The following PKN2 variants were observed in gnomAD, a reference collection of about 807,000 sequenced individuals.
PKN2 encodes protein kinase N2.
In PKN2, 38 loss-of-function variants were observed where a neutral mutation model predicts 119.1. The observed-to-expected ratio is 0.32, with a 90% CI of 0.25 to 0.42. The LOEUF (loss-of-function observed/expected upper bound fraction) is 0.42, where lower values mean the gene tolerates loss of function less well. Ranked by LOEUF, PKN2 falls within the 10% of genes least tolerant of loss-of-function variation. The pLI is 1.00. For missense variants in PKN2, 850 were observed against 1,165.1 expected (o/e 0.73, Z 3.94); for synonymous variants, 390 against 384.9 (o/e 1.01, Z -0.15).
intron 17 of PKN2, 38 bp from the exon 18 acceptor site, chr1:88,824,271 AT>A (rs561435037): frequency 0.052 from 43,453 of 842,486 alleles, 1,074 homozygotes; most frequent in African/African-American, 0.18. Context: ...GATTTCTTTG[AT>A]TTTTTTTTTT....
chr1:88,684,288 G>C lies in PKN2; in HGVS notation c.-293G>C, dbSNP rs2100629996. 5.9e-6 allele frequency: 2 copies of C among 337,570 alleles called. No homozygotes were observed. The highest frequency in any genetic ancestry group is 5.4e-6 in the Non-Finnish European group (1 of 185,024). 20.9% of individuals were successfully genotyped at this position (337,570 alleles called of 1,614,324 possible). On this transcript the variant is annotated 5_prime_UTR_variant, in exon 1 of 22. Transcript: ENST00000370521. ...AGCTGCAGCCGCGGCCGCAGCGCCC[G>C]CACGGAGAGGCTTGAGGCGGCTCCT...
At position 88,834,327 on chromosome 1, in the gene PKN2, G is replaced by C. The variant is rs12027005; in HGVS notation, c.*879G>C. 6.6e-6 allele frequency: 1 copy of C among 152,378 alleles called. No homozygotes were observed. Among genetic ancestry groups the C allele is most frequent in the African/African-American group, 2.4e-5 (1 of 41,394 alleles). 9.4% of individuals were successfully genotyped at this position (152,378 alleles called of 1,614,324 possible). ...TATTCACTCTACATCTGCCAACCTA[G>C]TTCACCTTGGTTTTGTGTCTGCTGT... On this transcript the variant is annotated 3_prime_UTR_variant, in exon 22 of 22. Coordinates refer to ENST00000370521, the MANE Select transcript of PKN2 (RefSeq NM_006256.4).
At chr1:88,730,391 GCTCT>G (rs901156741) in intron 1 of PKN2, among the ~76,000 whole-genome samples, 1 of 152,100 alleles carries the variant, frequency 6.6e-6, no homozygotes, top group African/African-American at 2.4e-5. Flanking sequence ...AGGGACCCAG[GCTCT>G]CTCTCTTTCT....
intron 19 of PKN2, among the ~76,000 whole-genome samples, chr1:88,830,934 A>G (rs189543129): frequency 7.2e-5 from 11 of 152,206 alleles, no homozygotes; most frequent in South Asian, 2.1e-4. Context: ...AGGTGTGGCT[A>G]AAGTTTATGT....
chr1:88,729,226 G>A (rs1463879266), intron 1 of PKN2, among the ~76,000 whole-genome samples: 2 of 152,174 alleles, frequency 1.3e-5, no homozygotes, highest in Non-Finnish European at 1.5e-5. Flanking sequence ...AATTGTTACA[G>A]TTGTTATCCA....
At chr1:88,761,038 A>G (rs1157834553) in intron 3 of PKN2, among the ~76,000 whole-genome samples, 5 of 152,210 alleles carry the variant, frequency 3.3e-5, no homozygotes, top group African/African-American at 7.2e-5. Flanking sequence ...GGCGTCATCA[A>G]TAATTGCTTG....
intron 1 of PKN2, among the ~76,000 whole-genome samples, chr1:88,725,214 C>T (rs985367228): frequency 6.6e-6 from 1 of 151,888 alleles, no homozygotes; most frequent in Admixed American, 6.6e-5. Context: ...TTTTGTTTTC[C>T]TTTCTTTAGG....
intron 8 of PKN2, among the ~76,000 whole-genome samples, chr1:88,790,296 G>T (rs942148046): frequency 6.6e-6 from 1 of 152,166 alleles, no homozygotes; most frequent in Non-Finnish European, 1.5e-5. Flanking sequence ...TGAGAAAAGG[G>T]TGAATGAAAT....
intron 1 of PKN2, among the ~76,000 whole-genome samples, chr1:88,700,805 G>GTAT (rs1666741844): frequency 6.6e-6 from 1 of 152,216 alleles, no homozygotes; most frequent in Non-Finnish European, 1.5e-5. Context: ...GGCAAAGGAA[G>GTAT]TATTCACTTC....
chr1:88,807,832 GAT>G (rs2100881939), intron 15 of PKN2, 57 bp downstream of exon 15: 2 of 1,000,862 alleles, frequency 2.0e-6, no homozygotes, highest in East Asian at 2.4e-5. Context: ...TAAGAGAAAT[GAT>G]ATATGTATTA....
chr1:88,720,358 T>C (rs1557563634), intron 1 of PKN2, among the ~76,000 whole-genome samples: 1 of 152,142 alleles, frequency 6.6e-6, no homozygotes, highest in Non-Finnish European at 1.5e-5. Flanking sequence ...CTCGTAGGCT[T>C]CATGATTTCT....
chr1:88,765,964 A>C (rs1669653117), intron 3 of PKN2, among the ~76,000 whole-genome samples: 2 of 152,102 alleles, frequency 1.3e-5, no homozygotes, highest in African/African-American at 4.8e-5. Flanking sequence ...GGTGGGCACC[A>C]CCATGCCTGG....
At chr1:88,767,294 A>G (rs900816313) in intron 3 of PKN2, among the ~76,000 whole-genome samples, 1 of 152,218 alleles carries the variant, frequency 6.6e-6, no homozygotes, top group African/African-American at 2.4e-5. Context: ...AAAATAGGTA[A>G]ATTGTCCAAG....
At chr1:88,706,510 T>A (rs552613842) in intron 1 of PKN2, among the ~76,000 whole-genome samples, 1 of 152,148 alleles carries the variant, frequency 6.6e-6, no homozygotes, top group Non-Finnish European at 1.5e-5. Context: ...TCCAGTACAA[T>A]GTAGAATAGA....
chr1:88,685,421 A>G (rs998608533), intron 1 of PKN2, among the ~76,000 whole-genome samples: 1 of 152,170 alleles, frequency 6.6e-6, no homozygotes, highest in Non-Finnish European at 1.5e-5. Flanking sequence ...GCAGTCGACT[A>G]AGGGAAAACA....
At chr1:88,731,272 C>A (rs1181016436) in intron 1 of PKN2, among the ~76,000 whole-genome samples, 1 of 152,144 alleles carries the variant, frequency 6.6e-6, no homozygotes, top group African/African-American at 2.4e-5. Flanking sequence ...GAACTGGTTT[C>A]TTGCTTTCTA....
chr1:88,727,989 G>A (rs1266818782), intron 1 of PKN2, among the ~76,000 whole-genome samples: 1 of 149,268 alleles, frequency 6.7e-6, no homozygotes, highest in Non-Finnish European at 1.5e-5. Context: ...CAGTTATTTG[G>A]CTAAAGAGAG....
intron 18 of PKN2, among the ~76,000 whole-genome samples, chr1:88,824,933 TG>T (rs1229333217): frequency 6.6e-6 from 1 of 152,256 alleles, no homozygotes; most frequent in Non-Finnish European, 1.5e-5. Context: ...TGTTTGTCTT[TG>T]GAAAACTTAG....
rs6685715 is a variant in PKN2, at chr1:88,686,308, G to C, written c.48+1680G>C. ...TAGAGTTACAATATATTTGGCATTG[G>C]TACTTGTATGTTATAGAAAGTTGGC... On this transcript the variant is annotated intron_variant, in intron 1 of 21. Coordinates refer to ENST00000370521, the MANE Select transcript of PKN2 (RefSeq NM_006256.4). 6.2e-3 allele frequency among the ~76,000 whole-genome samples: 942 copies of C among 152,150 alleles called. 12 individuals carry two copies. Among genetic ancestry groups the C allele is most frequent in the African/African-American group, 0.022 (902 of 41,518 alleles).
Sources: gnomAD v4.1 joint callset for allele counts (sites outside exome capture counted in the v4.1 genomes callset) on GRCh38, gnomAD v4.1.1 for gene constraint, MANE v1.5 for transcripts, NCBI Gene and HGNC (gene_info 2026-07-23, HGNC 2026-07-21) for gene names.